Variants in CADPS observed in about 807,000 individuals in gnomAD.
The protein encoded by CADPS is calcium dependent secretion activator.
In CADPS, 57 loss-of-function variants were observed where a neutral mutation model predicts 167.3. The ratio of observed to expected loss-of-function variants is 0.34; its 90% CI spans 0.28 to 0.42. The LOEUF is 0.42. CADPS is among the 20% of genes least tolerant of loss of function. CADPS has a pLI of 1.00. For missense variants in CADPS, 1,414 were observed against 1,738.1 expected, an observed-to-expected ratio of 0.81 and a Z score of 3.32; for synonymous variants, 676 against 635.3, an observed-to-expected ratio of 1.06 and a Z score of -0.96.
At chr3:62,659,524 T>C (rs1221286153) in intron 4 of CADPS, among the ~76,000 whole-genome samples, 3 of 152,192 alleles carry the variant, frequency 2.0e-5, no homozygotes, top group Admixed American at 1.3e-4. Context: ...CTCCTTGACA[T>C]CTCAGTGTAG....
intron 3 of CADPS, among the ~76,000 whole-genome samples, chr3:62,665,016 C>A (rs1466995567): frequency 6.6e-6 from 1 of 152,228 alleles, no homozygotes; most frequent in South Asian, 2.1e-4. Flanking sequence ...TCCCTGACTC[C>A]ATGGAGCTTA....
At position 62,399,869 on chromosome 3, in the gene CADPS, A is replaced by G. The variant is rs1206043439; in HGVS notation, c.3883-284T>C. Among the ~76,000 whole-genome samples the G allele has an allele frequency of 6.6e-6, 1 of 152,236 alleles. No homozygotes were observed. Among genetic ancestry groups the G allele is most frequent in the Admixed American group, 6.5e-5 (1 of 15,284 alleles). On this transcript the variant is annotated intron_variant, in intron 29 of 29. Coordinates refer to ENST00000383710, the MANE Select transcript of CADPS (RefSeq NM_003716.4). The surrounding 1 kb of genome is among the most constrained non-coding windows in gnomAD (Gnocchi z 5.6). Reference sequence around the variant, plus strand: ...TCAGTTCCATAAAGGGAAATGTTCCATAATTGTTTTGGTTCCTTTTTGTGG... The same window carrying G: ...TCAGTTCCATAAAGGGAAATGTTCCGTAATTGTTTTGGTTCCTTTTTGTGG...
chr3:62,616,974 T>G (rs958368811), intron 6 of CADPS, among the ~76,000 whole-genome samples: 1 of 152,220 alleles, frequency 6.6e-6, no homozygotes, highest in African/African-American at 2.4e-5. Flanking sequence ...TCTTAGATTT[T>G]GTAATTTTAT....
intron 3 of CADPS, among the ~76,000 whole-genome samples, chr3:62,694,114 G>C (rs547276615): frequency 6.6e-6 from 1 of 152,192 alleles, no homozygotes; most frequent in African/African-American, 2.4e-5. Flanking sequence ...GCTTAACCCA[G>C]ACTTCCTCTC....
intron 3 of CADPS, among the ~76,000 whole-genome samples, chr3:62,747,179 G>A (rs1180600399): frequency 2.6e-5 from 4 of 152,134 alleles, no homozygotes; most frequent in African/African-American, 9.7e-5. Context: ...TAAATAAAAG[G>A]GTTTAATATT....
chr3:62,614,233 C>A (rs1035586243), intron 6 of CADPS, among the ~76,000 whole-genome samples: 1 of 152,046 alleles, frequency 6.6e-6, no homozygotes, highest in Non-Finnish European at 1.5e-5. Flanking sequence ...GCTGTTAGCC[C>A]TGTTTTACAG....
intron 6 of CADPS, among the ~76,000 whole-genome samples, chr3:62,605,855 A>T (rs2060626240): frequency 6.6e-6 from 1 of 152,228 alleles, no homozygotes; most frequent in African/African-American, 2.4e-5. Flanking sequence ...GGAATCAAAC[A>T]TCATGAAATG....
At chr3:62,594,626 G>A (rs950665931) in intron 6 of CADPS, among the ~76,000 whole-genome samples, 2 of 151,998 alleles carry the variant, frequency 1.3e-5, no homozygotes, top group Non-Finnish European at 2.9e-5. Context: ...TCAAACTCCC[G>A]GGCTCAAGCA....
chr3:62,638,830 T>C (rs2066847906), intron 6 of CADPS, among the ~76,000 whole-genome samples: 1 of 152,154 alleles, frequency 6.6e-6, no homozygotes, highest in African/African-American at 2.4e-5. Flanking sequence ...GAAATAATTA[T>C]AGAATTGTTG....
intron 2 of CADPS, among the ~76,000 whole-genome samples, chr3:62,762,946 T>C (rs1486267340): frequency 1.3e-5 from 2 of 152,096 alleles, no homozygotes; most frequent in African/African-American, 2.4e-5. Context: ...AGTTGTGGCA[T>C]GGTAGGGTGG....
At chr3:62,454,482 G>A (rs779424007) in intron 26 of CADPS, among the ~76,000 whole-genome samples, 6 of 152,022 alleles carry the variant, frequency 3.9e-5, no homozygotes, top group Non-Finnish European at 7.4e-5. Flanking sequence ...ACCCTAATGG[G>A]TGGGCCTGAC....
intron 15 of CADPS, 66 bp downstream of exon 15, chr3:62,516,514 A>G: frequency 7.9e-7 from 1 of 1,271,936 alleles, no homozygotes; most frequent in Non-Finnish European, 1.1e-6. Flanking sequence ...CAACCAAAAC[A>G]TTTCATTACA....
chr3:62,771,554 T>C (rs1426102835), intron 1 of CADPS, among the ~76,000 whole-genome samples: 1 of 152,134 alleles, frequency 6.6e-6, no homozygotes, highest in Non-Finnish European at 1.5e-5. Context: ...ACAGTACAAC[T>C]CTAAACAAAC....
intron 7 of CADPS, among the ~76,000 whole-genome samples, chr3:62,589,726 G>T (rs1453133611): frequency 1.3e-5 from 2 of 152,156 alleles, no homozygotes; most frequent in Non-Finnish European, 2.9e-5. Flanking sequence ...GATCGCTCTG[G>T]AGAGGTCTCC....
intron 28 of CADPS, among the ~76,000 whole-genome samples, chr3:62,415,534 C>T (rs540325894): frequency 6.6e-6 from 1 of 152,250 alleles, no homozygotes; most frequent in African/African-American, 2.4e-5. Context: ...CATTCAAAAG[C>T]TGACATGCTC....
intron 9 of CADPS, among the ~76,000 whole-genome samples, chr3:62,564,581 CA>C: frequency 6.7e-6 from 1 of 148,648 alleles, no homozygotes; most frequent in South Asian, 2.1e-4. Context: ...GAACACCAAT[CA>C]AAAAAGTAGA....
intron 1 of CADPS, among the ~76,000 whole-genome samples, chr3:62,810,938 T>A (rs1340298242): frequency 6.6e-6 from 1 of 152,198 alleles, no homozygotes; most frequent in African/African-American, 2.4e-5. Flanking sequence ...CCAATTCAAA[T>A]GAACCTGATA....
In CADPS at chr3:62,421,206, G is replaced by T. The variant is rs1313223974; in HGVS notation, c.3777+16898C>A. Reference sequence around the variant, plus strand: ...CGGATCACTCTGCCTTGCCGTCAATGCTTCTCGTCCACAAGGCTCCCTCCC... The same window carrying T: ...CGGATCACTCTGCCTTGCCGTCAATTCTTCTCGTCCACAAGGCTCCCTCCC... On this transcript the variant is annotated intron_variant, in intron 28 of 29. Transcript: ENST00000383710. This position sits in a 1 kb window ranked among gnomAD's most constrained non-coding sequence, Gnocchi z 4.7. Among the ~76,000 whole-genome samples the T allele has an allele frequency of 6.6e-6, 1 of 152,092 alleles. No homozygotes were observed. Among genetic ancestry groups the T allele is most frequent in the African/African-American group, 2.4e-5 (1 of 41,440 alleles).
intron 25 of CADPS, 114 bp downstream of exon 25, chr3:62,466,225 C>A: frequency 1.4e-6 from 1 of 691,008 alleles, no homozygotes; most frequent in East Asian, 2.7e-5. Flanking sequence ...AATCTTGTTT[C>A]CTGAGAGACA....
Sources: allele counts gnomAD v4.1 joint callset (sites outside exome capture counted in the v4.1 genomes callset), GRCh38; gene constraint gnomAD v4.1.1; non-coding constraint Gnocchi (gnomAD v3.1); transcripts MANE v1.5; gene names NCBI Gene and HGNC (gene_info 2026-07-23, HGNC 2026-07-21).